The following PPP1R3A variants were observed in gnomAD, a reference collection of about 807,000 sequenced individuals.
The protein encoded by PPP1R3A is RG1.
PPP1R3A carries 29 observed loss-of-function variants against 41.7 expected under a neutral mutation model. That is an observed-to-expected ratio of 0.70 (90% CI 0.52 to 0.95). PPP1R3A has a LOEUF of 0.95. Ranked by LOEUF, PPP1R3A falls within the 40% of genes least tolerant of loss-of-function variation. PPP1R3A has a pLI of 0.00. For synonymous variants in PPP1R3A, 485 were observed against 453.4 expected, an observed-to-expected ratio of 1.07 and a Z score of -0.89; for missense variants, 1,352 against 1,292.4, an observed-to-expected ratio of 1.05 and a Z score of -0.71.
intron 1 of PPP1R3A, among the ~76,000 whole-genome samples, chr7:113,883,208 C>A (rs887412416): frequency 6.6e-6 from 1 of 151,884 alleles, no homozygotes; most frequent in Non-Finnish European, 1.5e-5. Context: ...AAATATTTGG[C>A]GCAGTATACA....
intron 1 of PPP1R3A, among the ~76,000 whole-genome samples, chr7:113,886,627 G>C (rs2129115471): frequency 6.6e-6 from 1 of 152,190 alleles, no homozygotes; most frequent in South Asian, 2.1e-4. Context: ...CACTGTTTTG[G>C]GTGGTTGTTT....
chr7:113,889,148 A>G (rs985578048), intron 1 of PPP1R3A, among the ~76,000 whole-genome samples: 3 of 152,152 alleles, frequency 2.0e-5, no homozygotes, highest in Non-Finnish European at 2.9e-5. Flanking sequence ...AACTCCTAGT[A>G]TGGACAACAA....
At chr7:113,912,811 C>T (rs1797273010) in intron 1 of PPP1R3A, among the ~76,000 whole-genome samples, 1 of 151,958 alleles carries the variant, frequency 6.6e-6, no homozygotes, top group African/African-American at 2.4e-5. Context: ...GGGATAGGCT[C>T]TCAGAGATCC....
Position 113,910,179 on chromosome 7 carries a change from T to C in PPP1R3A, c.782+8036A>G, listed in dbSNP as rs1025695405. On this transcript the variant is annotated intron_variant, in intron 1 of 3. Coordinates refer to ENST00000284601, the MANE Select transcript of PPP1R3A (RefSeq NM_002711.4). ...CCCCCATGATTCAATTATCTCCACC[T>C]GGCCCCACCCTTAACACGTGGGGAT... is the stretch of plus-strand genomic sequence containing the variant. 5.9e-5 allele frequency among the ~76,000 whole-genome samples: 9 copies of C among 152,052 alleles called. No homozygotes were observed. The South Asian group carries it at 1.9e-3, about 31-fold the overall frequency.
At chr7:113,888,459 AGATT>A (rs747158649) in intron 1 of PPP1R3A, among the ~76,000 whole-genome samples, 62 of 152,328 alleles carry the variant, frequency 4.1e-4, no homozygotes, top group Non-Finnish European at 7.3e-4. Flanking sequence ...TGCTGTACAT[AGATT>A]TTTTAATGCC....
At chr7:113,906,449 T>C (rs1425143902) in intron 1 of PPP1R3A, among the ~76,000 whole-genome samples, 3 of 151,766 alleles carry the variant, frequency 2.0e-5, no homozygotes, top group Non-Finnish European at 4.4e-5. Context: ...AAGTTTCTTA[T>C]TTGAATGACA....
intron 1 of PPP1R3A, among the ~76,000 whole-genome samples, chr7:113,886,291 G>A (rs1174509240): frequency 1.3e-5 from 2 of 152,030 alleles, no homozygotes; most frequent in Non-Finnish European, 2.9e-5. Flanking sequence ...GGAGGTGATT[G>A]TATTATGGGG....
intron 1 of PPP1R3A, among the ~76,000 whole-genome samples, chr7:113,890,310 T>C (rs1310371478): frequency 6.6e-6 from 1 of 152,074 alleles, no homozygotes; most frequent in Non-Finnish European, 1.5e-5. Flanking sequence ...TGCATCAGCA[T>C]CTCTGAGTGG....
At chr7:113,883,516 C>T (rs753452506) in intron 1 of PPP1R3A, among the ~76,000 whole-genome samples, 8 of 151,652 alleles carry the variant, frequency 5.3e-5, no homozygotes, top group Non-Finnish European at 8.8e-5. Flanking sequence ...TTAGTGGGCC[C>T]ACATATAGAA....
At position 113,918,830 on chromosome 7, in the gene PPP1R3A, G is replaced by A; in HGVS notation, c.167C>T (p.Thr56Ile). The A allele has an allele frequency of 1.9e-6, 3 of 1,613,728 alleles. No homozygotes were observed. The African/African-American group carries it at 4.0e-5, about 22-fold the overall frequency. ...SDSSEDIYLD[T>I]PSSGTRRVSF... is the part of the protein sequence containing the mutation. Reference sequence around the variant, plus strand: ...AACTCTTCTAGTACCTGAAGATGGGGTATCCAGGTATATGTCTTCAGAAGA... The same window carrying A: ...AACTCTTCTAGTACCTGAAGATGGGATATCCAGGTATATGTCTTCAGAAGA... The change falls in exon 1 of 4, where the codon ACC (threonine) becomes ATC (isoleucine). Residue 56 changes from threonine to isoleucine, a missense_variant. Physicochemically the swap from Thr to Ile is moderately conservative, Grantham distance 89. Transcript: ENST00000284601.
chr7:113,887,663 G>A (rs1260015289), intron 1 of PPP1R3A, among the ~76,000 whole-genome samples: 1 of 152,112 alleles, frequency 6.6e-6, no homozygotes, highest in East Asian at 1.9e-4. Context: ...GGGATAACTA[G>A]AAGTTTCCCA....
intron 1 of PPP1R3A, 78 bp downstream of exon 1, chr7:113,918,133 ACTTT>A (rs1797370326): frequency 6.0e-6 from 8 of 1,330,852 alleles, no homozygotes; most frequent in Non-Finnish European, 8.3e-6. Flanking sequence ...AAATAGAGTC[ACTTT>A]CTTACAACAC....
rs1373824790 is a variant in PPP1R3A at position 113,879,768 on chromosome 7, C to A, written c.1324G>T (p.Ala442Ser). 6.2e-7 allele frequency: 1 copy of A among 1,613,348 alleles called. No individual in the cohort carries two copies. The highest frequency in any genetic ancestry group is 8.5e-7 in the Non-Finnish European group (1 of 1,179,666). Residue 442 changes from alanine (A) to serine (S), a missense_variant, in exon 4 of 4, where the codon GCT becomes TCT. By Grantham distance (99) the Ala-to-Ser change is moderately conservative. Transcript: ENST00000284601. ...TGSKEVLDDN[A>S]NPAHGNGTVQ... ...GTGCCATTGCCATGGGCTGGATTAG[C>A]ATTATCATCCAGGACTTCTTTGCTG...
intron 1 of PPP1R3A, among the ~76,000 whole-genome samples, chr7:113,884,269 A>G (rs1016837000): frequency 6.6e-6 from 1 of 152,066 alleles, no homozygotes; most frequent in Admixed American, 6.6e-5. Flanking sequence ...GAATTTGAAA[A>G]TATTATTCCA....
intron 1 of PPP1R3A, among the ~76,000 whole-genome samples, chr7:113,910,973 A>G (rs1228078412): frequency 2.0e-5 from 3 of 152,148 alleles, no homozygotes; most frequent in Non-Finnish European, 4.4e-5. Flanking sequence ...AATCAAAACC[A>G]TGACTACACA....
chr7:113,914,596 A>C (rs1797308895), intron 1 of PPP1R3A, among the ~76,000 whole-genome samples: 1 of 152,158 alleles, frequency 6.6e-6, no homozygotes, highest in Non-Finnish European at 1.5e-5. Context: ...GAGGAGAAGA[A>C]CTTTGGTGCA....
chr7:113,892,607 C>T (rs973868206), intron 1 of PPP1R3A, among the ~76,000 whole-genome samples: 4 of 151,926 alleles, frequency 2.6e-5, no homozygotes, highest in Admixed American at 2.0e-4. Context: ...GGAAGAGGAA[C>T]ATTTGATTAA....
Position 113,877,836 on chromosome 7 carries a change from G to T in PPP1R3A, c.3256C>A (p.Leu1086Ile), listed in dbSNP as rs1404407863. Residue 1086 changes from leucine to isoleucine, a missense_variant, in exon 4 of 4, where the codon CTT (leucine) becomes ATT (isoleucine). Transcript: ENST00000284601. ...AAGTCATAATGGTAGACAGTTATAA[G>T]AAATATCAGAAACAAAAGGAAATAA... is the stretch of plus-strand genomic sequence containing the variant. ...IPYFLLFLIFLITVYHYDLMI... is the reference protein window; with the variant it reads ...IPYFLLFLIFIITVYHYDLMI... 6.2e-7 allele frequency: 1 copy of T among 1,609,316 alleles called. No homozygotes were observed. Among genetic ancestry groups the T allele is most frequent in the East Asian group, 2.2e-5 (1 of 44,804 alleles).
chr7:113,892,229 C>T (rs1176452369), intron 1 of PPP1R3A, among the ~76,000 whole-genome samples: 1 of 151,998 alleles, frequency 6.6e-6, no homozygotes, highest in Non-Finnish European at 1.5e-5. Flanking sequence ...AAATAAATGA[C>T]CTTTAAAATC....
Sources: allele counts gnomAD v4.1 joint callset (sites outside exome capture counted in the v4.1 genomes callset), GRCh38; gene constraint gnomAD v4.1.1; transcripts MANE v1.5; gene names NCBI Gene and HGNC (gene_info 2026-07-23, HGNC 2026-07-21).